Variants in JADE3 observed in about 807,000 individuals in gnomAD.
The protein encoded by JADE3 is protein Jade-3.
A neutral mutation model predicts 50.1 loss-of-function variants in JADE3; 2 were observed. That is an observed-to-expected ratio of 0.04 (90% CI 0.02 to 0.13). The LOEUF is 0.13. Among genes scored for constraint, JADE3 ranks in the 10% least tolerant of loss-of-function variants. JADE3 has a pLI of 1.00. For missense variants in JADE3, 475 were observed against 634.4 expected (o/e 0.75, Z 2.70); for synonymous variants, 218 against 232.9 (o/e 0.94, Z 0.58).
chrX:46,952,817 G>A (rs1242500041), intron 1 of JADE3, among the ~76,000 whole-genome samples: 1 of 111,600 alleles, frequency 9.0e-6, no homozygotes, highest in Non-Finnish European at 1.9e-5. Flanking sequence ...GGCCAACATG[G>A]TGAAACCCCA....
At chrX:47,048,179 T>A (rs1556371124) in intron 8 of JADE3, among the ~76,000 whole-genome samples, 5 of 111,639 alleles carry the variant, frequency 4.5e-5, no homozygotes. Context: ...CCAAAGTCTC[T>A]ACCATAAATC....
chrX:47,014,336 A>C (rs1317534684), intron 4 of JADE3, among the ~76,000 whole-genome samples: 1 of 112,068 alleles, frequency 8.9e-6, no homozygotes, highest in Non-Finnish European at 1.9e-5. Flanking sequence ...GAACAAGATG[A>C]ATTTTTTCCT....
intron 4 of JADE3, among the ~76,000 whole-genome samples, chrX:47,023,682 C>T (rs1928845365): frequency 9.0e-6 from 1 of 111,520 alleles, no homozygotes. Context: ...CCAAGGTGGG[C>T]GGATCATGAG....
At chrX:46,923,152 A>G (rs377267085) in intron 1 of JADE3, among the ~76,000 whole-genome samples, 5 of 108,184 alleles carry the variant, frequency 4.6e-5, no homozygotes, top group Admixed American at 4.0e-4. Flanking sequence ...AGCTGGGACT[A>G]TAGGTGTGCT....
At chrX:47,009,432 C>G (rs1556361098) in intron 4 of JADE3, among the ~76,000 whole-genome samples, 1 of 110,846 alleles carries the variant, frequency 9.0e-6, no homozygotes. Context: ...GGCAGAACCC[C>G]TACTGTTCAG....
intron 4 of JADE3, among the ~76,000 whole-genome samples, chrX:47,010,138 T>G (rs1175522377): frequency 8.9e-6 from 1 of 111,960 alleles, no homozygotes; most frequent in Non-Finnish European, 1.9e-5. Flanking sequence ...GTTTTAAGTT[T>G]GTCACATGAC....
chrX:46,950,412 T>G (rs1556344611), intron 1 of JADE3, among the ~76,000 whole-genome samples: 1 of 112,695 alleles, frequency 8.9e-6, no homozygotes, highest in Non-Finnish European at 1.9e-5. Context: ...GTCCAGATTC[T>G]TTCACGTAGT....
At chrX:46,975,831 T>A (rs1198505118) in intron 1 of JADE3, among the ~76,000 whole-genome samples, 6 of 99,583 alleles carry the variant, frequency 6.0e-5, no homozygotes, top group Non-Finnish European at 9.9e-5. Context: ...GCGATTCTCA[T>A]GCCTCAGCCT....
intron 3 of JADE3, among the ~76,000 whole-genome samples, chrX:46,986,330 G>T (rs1556354589): frequency 1.8e-5 from 2 of 112,385 alleles, no homozygotes; most frequent in Non-Finnish European, 3.8e-5. Context: ...TGTGTCAGTG[G>T]GTAGGCTTGT....
At chrX:46,957,221 A>ATAGT (rs1556346682) in intron 1 of JADE3, among the ~76,000 whole-genome samples, 1 of 99,779 alleles carries the variant, frequency 1.0e-5, no homozygotes, top group East Asian at 2.9e-4. Context: ...GATTAGATAG[A>ATAGT]TAGATAGATA....
intron 8 of JADE3, among the ~76,000 whole-genome samples, chrX:47,043,169 A>G (rs1482536634): frequency 8.9e-6 from 1 of 112,167 alleles, no homozygotes; most frequent in East Asian, 2.8e-4. Flanking sequence ...CCTAAAGCAG[A>G]TATGGCCGTA....
intron 10 of JADE3, among the ~76,000 whole-genome samples, chrX:47,056,472 A>G (rs1929635012): frequency 8.9e-6 from 1 of 111,774 alleles, no homozygotes; most frequent in Admixed American, 9.6e-5. Context: ...AGTGGAAGCC[A>G]TGAAATTATT....
intron 3 of JADE3, among the ~76,000 whole-genome samples, chrX:46,994,130 G>A (rs1928072235): frequency 8.9e-6 from 1 of 112,373 alleles, no homozygotes; most frequent in Non-Finnish European, 1.9e-5. Flanking sequence ...CAAATGTTCA[G>A]AGGAGCTGTG....
intron 1 of JADE3, among the ~76,000 whole-genome samples, chrX:46,920,870 A>T (rs1373816666): frequency 8.9e-6 from 1 of 112,398 alleles, no homozygotes; most frequent in Non-Finnish European, 1.9e-5. Context: ...TAGCTTTATA[A>T]TAAGCCTAGA....
chrX:47,055,563 G>A (rs1602426190), intron 9 of JADE3, among the ~76,000 whole-genome samples: 1 of 112,198 alleles, frequency 8.9e-6, no homozygotes, highest in South Asian at 3.6e-4. Context: ...AAGAAAGTTT[G>A]TGTAACTTGC....
intron 7 of JADE3, among the ~76,000 whole-genome samples, chrX:47,037,917 G>A (rs782176883): frequency 1.1e-4 from 12 of 110,699 alleles, no homozygotes; most frequent in Admixed American, 1.9e-4. Flanking sequence ...ATTAATTATC[G>A]TCACCCTCCT....
At chrX:47,014,928 ATT>A in intron 4 of JADE3, among the ~76,000 whole-genome samples, 1 of 112,413 alleles carries the variant, frequency 8.9e-6, no homozygotes, top group East Asian at 2.8e-4. Flanking sequence ...TGCAATAATT[ATT>A]TTTAGATTTA....
intron 3 of JADE3, among the ~76,000 whole-genome samples, chrX:46,997,809 AT>A: frequency 8.9e-6 from 1 of 112,483 alleles, no homozygotes; most frequent in Non-Finnish European, 1.9e-5. Flanking sequence ...TTGTTACTTA[AT>A]TTAAGAAAGT....
intron 4 of JADE3, among the ~76,000 whole-genome samples, chrX:47,005,000 G>A (rs1057149180): frequency 9.0e-6 from 1 of 111,554 alleles, no homozygotes; most frequent in Non-Finnish European, 1.9e-5. Context: ...TTTATATAAT[G>A]CAAACATAAG....
Sources: allele counts gnomAD v4.1 joint callset (sites outside exome capture counted in the v4.1 genomes callset), GRCh38; gene constraint gnomAD v4.1.1; transcripts MANE v1.5; gene names NCBI Gene and HGNC (gene_info 2026-07-23, HGNC 2026-07-21).